Variants in KCNK2 observed in about 807,000 individuals in gnomAD.
KCNK2 encodes potassium channel subfamily K member 2.
KCNK2 carries 21 observed loss-of-function variants against 40.5 expected under a neutral mutation model. The ratio of observed to expected loss-of-function variants is 0.52; its 90% CI spans 0.37 to 0.75. KCNK2 has a LOEUF of 0.75. KCNK2 is among the 30% of genes least tolerant of loss of function. The pLI, the probability that KCNK2 is intolerant of heterozygous loss-of-function variation, is 0.00. For synonymous variants in KCNK2, 191 were observed against 202.2 expected (o/e 0.94, Z 0.47); for missense variants, 399 against 531.6 (o/e 0.75, Z 2.45).
chr1:215,211,316 C>T (rs776408624), intron 6 of KCNK2, among the ~76,000 whole-genome samples: 9 of 152,068 alleles, frequency 5.9e-5, no homozygotes, highest in Non-Finnish European at 1.3e-4. Flanking sequence ...ACTGTTCCCT[C>T]TGTCAGCAGT....
chr1:215,229,214 T>C (rs1271326990), intron 6 of KCNK2, among the ~76,000 whole-genome samples: 1 of 151,820 alleles, frequency 6.6e-6, no homozygotes, highest in East Asian at 1.9e-4. Flanking sequence ...TTTCTTTTTT[T>C]TTTTTTTTTG....
At chr1:215,209,167 C>A (rs1665448800) in intron 6 of KCNK2, among the ~76,000 whole-genome samples, 1 of 141,726 alleles carries the variant, frequency 7.1e-6, no homozygotes, top group South Asian at 2.1e-4. Context: ...TTAGTGAGGG[C>A]ATTTTTTATG....
At chr1:215,009,493 A>T (rs540347949) in intron 1 of KCNK2, among the ~76,000 whole-genome samples, 1 of 152,226 alleles carries the variant, frequency 6.6e-6, no homozygotes, top group African/African-American at 2.4e-5. Flanking sequence ...TGGAGAGAGA[A>T]GCTATGTTTA....
chr1:215,100,990 A>G (rs940526115), intron 2 of KCNK2, among the ~76,000 whole-genome samples: 2 of 151,970 alleles, frequency 1.3e-5, no homozygotes, highest in South Asian at 2.1e-4. Flanking sequence ...GCATTTATCT[A>G]TTTTATTCAG....
chr1:215,214,983 A>G (rs1471504014), intron 6 of KCNK2, among the ~76,000 whole-genome samples: 1 of 152,186 alleles, frequency 6.6e-6, no homozygotes, highest in Admixed American at 6.5e-5. Flanking sequence ...GGCAGTTTTT[A>G]TCTTCCGTTA....
intron 1 of KCNK2, among the ~76,000 whole-genome samples, chr1:215,037,002 C>CTTTTTTTTTTTTTTTTTTTTTCTTT (rs3033912): frequency 7.9e-6 from 1 of 125,854 alleles, no homozygotes; most frequent in Non-Finnish European, 1.6e-5. Flanking sequence ...CCTTTTATTC[C>CTTTTTTTTTTTTTTTTTTTTTCTTT]TTTTTTTTTT....
chr1:215,036,690 T>C lies in KCNK2; in HGVS notation c.34+30735T>C, dbSNP rs113748826. On this transcript the variant is annotated intron_variant, in intron 1 of 6. Coordinates refer to the KCNK2 transcript ENST00000391895. ...TATACTCTCCATTTACTTAAATCTT[T>C]GCTGCTTATGAACAATGTTTTGTAG... Among the ~76,000 whole-genome samples the C allele has an allele frequency of 5.8e-4, 88 of 152,074 alleles. 1 individual carries two copies. The highest frequency in any genetic ancestry group is 2.0e-3 in the African/African-American group (83 of 41,536).
chr1:215,129,506 A>C (rs1278354012), intron 3 of KCNK2, among the ~76,000 whole-genome samples: 7 of 152,198 alleles, frequency 4.6e-5, no homozygotes, highest in African/African-American at 1.7e-4. Flanking sequence ...GGTGTTCTAA[A>C]GAGGCTGATT....
At chr1:215,019,008 AC>A (rs71166000) in intron 1 of KCNK2, among the ~76,000 whole-genome samples, 33,287 of 150,782 alleles carry the variant, frequency 0.22, 4,408 homozygotes, top group South Asian at 0.49. Context: ...CAAAAAAAAA[AC>A]CATCTAAGAA....
At chr1:215,011,717 C>T (rs952352485) in intron 1 of KCNK2, among the ~76,000 whole-genome samples, 1 of 151,994 alleles carries the variant, frequency 6.6e-6, no homozygotes, top group Non-Finnish European at 1.5e-5. Context: ...GTGATTCTCC[C>T]GCTTCAGCCT....
chr1:215,129,390 A>G (rs951637876), intron 3 of KCNK2, among the ~76,000 whole-genome samples: 2 of 152,162 alleles, frequency 1.3e-5, no homozygotes, highest in African/African-American at 2.4e-5. Context: ...GAAGAAACCA[A>G]TGATCAATCA....
intron 1 of KCNK2, among the ~76,000 whole-genome samples, chr1:215,023,567 C>A (rs1440687836): frequency 6.6e-6 from 1 of 152,236 alleles, no homozygotes; most frequent in Non-Finnish European, 1.5e-5. Context: ...GTGCCCTAGT[C>A]AGTGAGCCCG....
At chr1:215,203,901 G>A (rs937861532) in intron 6 of KCNK2, among the ~76,000 whole-genome samples, 9 of 151,774 alleles carry the variant, frequency 5.9e-5, no homozygotes, top group Non-Finnish European at 1.0e-4. Flanking sequence ...AGCCGGGTGC[G>A]GTGGCGGGCG....
chr1:215,061,498 G>A (rs1276779568), intron 1 of KCNK2, among the ~76,000 whole-genome samples: 1 of 151,952 alleles, frequency 6.6e-6, no homozygotes, highest in Non-Finnish European at 1.5e-5. Context: ...GGGTTTAAAA[G>A]TTAAAAGAAA....
chr1:215,104,250 C>T (rs1660339564), intron 2 of KCNK2, among the ~76,000 whole-genome samples: 2 of 152,044 alleles, frequency 1.3e-5, no homozygotes, highest in African/African-American at 2.4e-5. Context: ...GAGCATACTA[C>T]TGGTTAGCAA....
intron 1 of KCNK2, among the ~76,000 whole-genome samples, chr1:215,055,688 C>A (rs1658133851): frequency 6.6e-6 from 1 of 152,208 alleles, no homozygotes; most frequent in African/African-American, 2.4e-5. Flanking sequence ...CCATTCATGG[C>A]AGTTCAAACG....
chr1:215,037,999 T>C (rs1221672398), intron 1 of KCNK2, among the ~76,000 whole-genome samples: 1 of 152,004 alleles, frequency 6.6e-6, no homozygotes, highest in South Asian at 2.1e-4. Flanking sequence ...TGTTCAGTGA[T>C]GTAGGTTGTC....
At chr1:215,013,698 T>G (rs1448561576) in intron 1 of KCNK2, among the ~76,000 whole-genome samples, 2 of 152,200 alleles carry the variant, frequency 1.3e-5, no homozygotes, top group African/African-American at 4.8e-5. Context: ...AATGGAACTT[T>G]GAAAAATGTC....
chr1:215,104,172 T>C (rs1344560478), intron 2 of KCNK2, among the ~76,000 whole-genome samples: 2 of 152,088 alleles, frequency 1.3e-5, no homozygotes, highest in Non-Finnish European at 2.9e-5. Flanking sequence ...GGATCTACCA[T>C]AGATATTGTC....
Sources: gnomAD v4.1 joint callset for allele counts (sites outside exome capture counted in the v4.1 genomes callset) on GRCh38, gnomAD v4.1.1 for gene constraint, MANE v1.5 for transcripts, NCBI Gene and HGNC (gene_info 2026-07-23, HGNC 2026-07-21) for gene names.